The following ABTB3 variants were observed in gnomAD, a reference collection of about 807,000 sequenced individuals.
The protein encoded by ABTB3 is ankyrin repeat and BTB domain containing 3.
chr12:107,532,662 G>A, the ABTB3 span, among the ~76,000 whole-genome samples: 1 of 152,198 alleles, frequency 6.6e-6, no homozygotes, highest in Non-Finnish European at 1.5e-5. Context: ...ATTCAGATAA[G>A]ATAGCTCAAA....
chr12:107,423,314 AT>A, the ABTB3 span, among the ~76,000 whole-genome samples: 2 of 152,194 alleles, frequency 1.3e-5, no homozygotes, highest in East Asian at 3.8e-4. Flanking sequence ...GAGAACTACA[AT>A]GTGCTTGATA....
the ABTB3 span, among the ~76,000 whole-genome samples, chr12:107,431,557 C>T: frequency 3.3e-5 from 5 of 152,082 alleles, no homozygotes; most frequent in South Asian, 2.1e-4. Context: ...TGCAGTGAGC[C>T]GAGATTGCAC....
chr12:107,495,160 T>C, the ABTB3 span, among the ~76,000 whole-genome samples: 1 of 152,118 alleles, frequency 6.6e-6, no homozygotes, highest in East Asian at 1.9e-4. Flanking sequence ...TCTCCCTTGG[T>C]AGTGGGGAAT....
At chr12:107,516,060 C>T in the ABTB3 span, among the ~76,000 whole-genome samples, 1 of 147,066 alleles carries the variant, frequency 6.8e-6, no homozygotes, top group Non-Finnish European at 1.5e-5. Flanking sequence ...TGTGTGCGCA[C>T]ACACACACCA....
chr12:107,654,688 C>T, the ABTB3 span, among the ~76,000 whole-genome samples: 1 of 152,124 alleles, frequency 6.6e-6, no homozygotes, highest in Non-Finnish European at 1.5e-5. Context: ...CTCCAAAGCA[C>T]AGGTTCTTAA....
chr12:107,521,527 G>A, the ABTB3 span, among the ~76,000 whole-genome samples: 1 of 151,988 alleles, frequency 6.6e-6, no homozygotes, highest in African/African-American at 2.4e-5. Context: ...ATAAATGGCT[G>A]GCCACTGTTG....
the ABTB3 span, among the ~76,000 whole-genome samples, chr12:107,548,925 G>A: frequency 2.0e-5 from 3 of 152,124 alleles, no homozygotes; most frequent in African/African-American, 7.2e-5. Flanking sequence ...GGAGTATTTT[G>A]TTGCCTCAGG....
chr12:107,474,037 G>T, the ABTB3 span, among the ~76,000 whole-genome samples: 1 of 152,162 alleles, frequency 6.6e-6, no homozygotes, highest in Non-Finnish European at 1.5e-5. Flanking sequence ...ACCTGCCTTG[G>T]CCTCCCAAAG....
At chr12:107,349,768 C>G in the ABTB3 span, among the ~76,000 whole-genome samples, 166 of 152,256 alleles carry the variant, frequency 1.1e-3, no homozygotes, top group Non-Finnish European at 1.7e-3. Context: ...AACTGTGCAT[C>G]CTATATTTTA....
the ABTB3 span, among the ~76,000 whole-genome samples, chr12:107,417,876 C>A: frequency 6.0e-4 from 91 of 152,324 alleles, no homozygotes; most frequent in South Asian, 1.7e-3. Flanking sequence ...CTCTGCAAAG[C>A]CCAGTTTTCC....
chr12:107,383,136 G>C, the ABTB3 span, among the ~76,000 whole-genome samples: 1 of 152,198 alleles, frequency 6.6e-6, no homozygotes, highest in African/African-American at 2.4e-5. Flanking sequence ...AATGACTGCA[G>C]CAGCTTACTT....
At chr12:107,377,332 C>G in the ABTB3 span, among the ~76,000 whole-genome samples, 727 of 152,160 alleles carry the variant, frequency 4.8e-3, 9 homozygotes, top group African/African-American at 0.016. Flanking sequence ...CTCCCTCTGT[C>G]CGGTTTTGCT....
the ABTB3 span, among the ~76,000 whole-genome samples, chr12:107,613,873 T>C: frequency 6.6e-6 from 1 of 152,144 alleles, no homozygotes; most frequent in African/African-American, 2.4e-5. Context: ...TGTGTGTTTT[T>C]TTAATGTGAG....
At chr12:107,477,377 G>T in the ABTB3 span, among the ~76,000 whole-genome samples, 2 of 152,178 alleles carry the variant, frequency 1.3e-5, no homozygotes, top group African/African-American at 2.4e-5. Context: ...TCTCAGGGTG[G>T]GAGGCCACGT....
chr12:107,607,603 G>A, the ABTB3 span, among the ~76,000 whole-genome samples: 63 of 152,280 alleles, frequency 4.1e-4, no homozygotes, highest in African/African-American at 1.5e-3. Flanking sequence ...CTGACGTTTA[G>A]GTCCTGAGAC....
At chr12:107,362,450 C>T in the ABTB3 span, among the ~76,000 whole-genome samples, 33 of 152,142 alleles carry the variant, frequency 2.2e-4, no homozygotes, top group Admixed American at 1.3e-3. Context: ...TGTCCCTCCA[C>T]GTGGCAGGAA....
At chr12:107,470,988 G>A in the ABTB3 span, among the ~76,000 whole-genome samples, 14 of 152,284 alleles carry the variant, frequency 9.2e-5, no homozygotes, top group Middle Eastern at 3.4e-3. Flanking sequence ...AGTTGTTGTT[G>A]TCAGAGAGAA....
chr12:107,372,758 T>C, the ABTB3 span, among the ~76,000 whole-genome samples: 2 of 152,204 alleles, frequency 1.3e-5, no homozygotes, highest in African/African-American at 4.8e-5. Flanking sequence ...CCCATCATTC[T>C]CTTTCCTCCT....
At chr12:107,636,255 G>T in the ABTB3 span, among the ~76,000 whole-genome samples, 7 of 152,280 alleles carry the variant, frequency 4.6e-5, no homozygotes, top group African/African-American at 1.7e-4. Flanking sequence ...TTGCAACCGA[G>T]TTGATCAACC....
Sources: gnomAD v4.1 joint callset for allele counts (sites outside exome capture counted in the v4.1 genomes callset) on GRCh38, gnomAD v4.1.1 for gene constraint, MANE v1.5 for transcripts, NCBI Gene and HGNC (gene_info 2026-07-23, HGNC 2026-07-21) for gene names.